Variants in WDFY3 observed in about 807,000 individuals in gnomAD.
WDFY3 encodes the protein WD repeat and FYVE domain-containing protein 3.
A neutral mutation model predicts 409.6 loss-of-function variants in WDFY3; 66 were observed. The ratio of observed to expected loss-of-function variants is 0.16; its 90% CI spans 0.13 to 0.20. The LOEUF (loss-of-function observed/expected upper bound fraction) is 0.20, where lower values mean the gene tolerates loss of function less well. WDFY3 is among the 10% of genes least tolerant of loss of function. WDFY3 has a pLI of 1.00. For synonymous variants in WDFY3, 1,521 were observed against 1,537.1 expected (o/e 0.99, Z 0.25); for missense variants, 3,031 against 4,298.1 (o/e 0.71, Z 8.24).
In WDFY3 at chr4:84,721,469, T is replaced by C. The variant is rs749503655; in HGVS notation, c.7545A>G (p.Ile2515Met). The change falls in exon 47 of 68, where the codon ATA (isoleucine) becomes ATG (methionine). Residue 2515 changes from isoleucine to methionine, a missense_variant. Transcript: ENST00000295888. The part of the protein sequence containing the change: ...LQDQIAEGSS[I>M]EEEEKTDNAT... The stretch of plus-strand genomic sequence containing the variant: ...CATTATCTGTTTTCTCCTCCTCTTC[T>C]ATGGAGCTGCCCTCAGCAATCTGGT... The C allele has an allele frequency of 2.3e-5, 37 of 1,613,448 alleles. No homozygotes were observed. The Middle Eastern group carries it at 6.6e-4, about 29-fold the overall frequency.
chr4:84,908,286 A>C (rs78254834), intron 2 of WDFY3, among the ~76,000 whole-genome samples: 2,156 of 152,276 alleles, frequency 0.014, 29 homozygotes, highest in Non-Finnish European at 0.023. Flanking sequence ...ACAAGAAGTA[A>C]AAAAGCAGTA....
At chr4:84,736,833 GT>G (rs766221913) in intron 41 of WDFY3, among the ~76,000 whole-genome samples, 16 of 152,034 alleles carry the variant, frequency 1.1e-4, no homozygotes, top group Non-Finnish European at 1.8e-4. Context: ...TATAAAGTCA[GT>G]TTTGGCACCA....
At chr4:84,804,197 C>G (rs907417278) in intron 15 of WDFY3, 3 of 152,204 alleles carry the variant, frequency 2.0e-5, no homozygotes, top group Non-Finnish European at 4.4e-5. Flanking sequence ...CTATTTCATA[C>G]TACTCATCTA....
chr4:84,795,418 C>G (rs988625829), intron 19 of WDFY3, among the ~76,000 whole-genome samples: 7 of 152,182 alleles, frequency 4.6e-5, no homozygotes, highest in Admixed American at 6.5e-5. Context: ...ACAGAGGTTT[C>G]AATCAATATA....
At position 84,696,440 on chromosome 4, in the gene WDFY3, T is replaced by C. The variant is rs537317581; in HGVS notation, c.8689-258A>G. Among the ~76,000 whole-genome samples, 86 of 152,294 alleles carry C rather than the reference T, an allele frequency of 5.6e-4. No homozygotes were observed. The South Asian group carries it at 0.017, about 30-fold the overall frequency. On this transcript the variant is annotated intron_variant, in intron 57 of 67. Coordinates refer to ENST00000295888, the MANE Select transcript of WDFY3 (RefSeq NM_014991.6). ...CATAGCTCTTAGTAGGTTGTTATGA[T>C]TGTTCTATTTTATTACTATTCTTAA...
At chr4:84,766,969 G>A (rs957119618) in intron 30 of WDFY3, among the ~76,000 whole-genome samples, 1 of 152,118 alleles carries the variant, frequency 6.6e-6, no homozygotes, top group Non-Finnish European at 1.5e-5. Context: ...AGAGTTCTAG[G>A]CCCAGCTCTC....
At position 84,767,275 on chromosome 4, in the gene WDFY3, TAA is replaced by T. The variant is rs576979598; in HGVS notation, c.4850-905_4850-904del. On this transcript the variant is annotated intron_variant, in intron 30 of 67. Transcript: ENST00000295888. ...TACAAGTGCCACTGTCTTACTCTTA[TAA>T]GACAGTGAACTTAGTCAAAAAATGT... is the stretch of plus-strand genomic sequence containing the variant. 2.6e-4 allele frequency among the ~76,000 whole-genome samples: 37 copies of T among 143,358 alleles called. No homozygotes were observed. In the East Asian group the frequency reaches 7.7e-3, roughly 30 times the overall value. The allele number at this position is 143,358 out of a possible 152,430, so 94.0% of individuals were successfully genotyped here.
At chr4:84,694,501 A>T (rs923924722) in intron 58 of WDFY3, among the ~76,000 whole-genome samples, 4 of 152,270 alleles carry the variant, frequency 2.6e-5, no homozygotes, top group African/African-American at 9.6e-5. Flanking sequence ...TTTTATGTTC[A>T]GAATATGTAT....
chr4:84,681,222 C>A (rs1490278408), intron 64 of WDFY3, among the ~76,000 whole-genome samples: 2 of 152,182 alleles, frequency 1.3e-5, no homozygotes, highest in African/African-American at 2.4e-5. Flanking sequence ...TAAAGACATA[C>A]AAATATCTTT....
chr4:84,901,198 T>A (rs1766291846), intron 2 of WDFY3, among the ~76,000 whole-genome samples: 1 of 152,210 alleles, frequency 6.6e-6, no homozygotes, highest in South Asian at 2.1e-4. Flanking sequence ...AGGCTCTACC[T>A]CTTAATGCCA....
chr4:84,717,508 T>C (rs1421968176), intron 48 of WDFY3, among the ~76,000 whole-genome samples: 1 of 152,178 alleles, frequency 6.6e-6, no homozygotes, highest in African/African-American at 2.4e-5. Flanking sequence ...AGGAATGAAC[T>C]ACAGAAACAA....
At chr4:84,940,781 T>C (rs571150425) in intron 1 of WDFY3, among the ~76,000 whole-genome samples, 5 of 152,112 alleles carry the variant, frequency 3.3e-5, no homozygotes, top group Admixed American at 3.3e-4. Context: ...TTTAACAAAA[T>C]ATAAGGAAAC....
intron 10 of WDFY3, among the ~76,000 whole-genome samples, chr4:84,823,885 A>G (rs1337033578): frequency 6.6e-6 from 1 of 152,160 alleles, no homozygotes; most frequent in Admixed American, 6.5e-5. Context: ...AGTTAAACAT[A>G]CATTTACCAT....
chr4:84,738,989 A>T, intron 40 of WDFY3, 21 bp downstream of exon 40: 1 of 1,611,062 alleles, frequency 6.2e-7, no homozygotes, highest in Non-Finnish European at 8.5e-7. Context: ...ATTTAAAAAC[A>T]TCCCAAGTCA....
intron 3 of WDFY3, among the ~76,000 whole-genome samples, chr4:84,892,268 C>A (rs1765057144): frequency 6.6e-6 from 1 of 151,196 alleles, no homozygotes; most frequent in African/African-American, 2.4e-5. Context: ...CTTTAACTGT[C>A]AGAAATTTAA....
chr4:84,816,158 C>T (rs931692588), intron 13 of WDFY3, among the ~76,000 whole-genome samples: 6 of 151,952 alleles, frequency 3.9e-5, no homozygotes, highest in African/African-American at 7.2e-5. Flanking sequence ...ATCCTTACAA[C>T]GGAAAATTGT....
At position 84,720,012 on chromosome 4, in the gene WDFY3, T is replaced by A. The variant is rs1162117685; in HGVS notation, c.7605+1397A>T. On this transcript the variant is annotated intron_variant, in intron 47 of 67. Coordinates refer to ENST00000295888, the MANE Select transcript of WDFY3 (RefSeq NM_014991.6). ...ATCTAATATAATAGGCAAAAGAACATCCTTTAAAAAGGTGATATTCATGAC... is the reference window on the plus strand; with the variant it reads ...ATCTAATATAATAGGCAAAAGAACAACCTTTAAAAAGGTGATATTCATGAC... Among the ~76,000 whole-genome samples the A allele has an allele frequency of 3.9e-5, 6 of 152,186 alleles. No individual in the cohort carries two copies. In the South Asian group the frequency reaches 8.3e-4, roughly 21 times the overall value.
Position 84,821,271 on chromosome 4 carries a change from G to A in WDFY3, c.1404C>T (p.Ile468=), listed in dbSNP as rs751968259. 1.9e-6 allele frequency: 3 copies of A among 1,613,596 alleles called. No individual in the cohort carries two copies. Among genetic ancestry groups the A allele is most frequent in the African/African-American group, 2.7e-5 (2 of 74,890 alleles). ...IPCKELISVS[I]LLKSSSSYHC... ...GATAAGAAGAGCTAGATTTTAAGAGGATACTGACACTAATAAGTTCTTTAC... is the reference window on the plus strand; with the variant it reads ...GATAAGAAGAGCTAGATTTTAAGAGAATACTGACACTAATAAGTTCTTTAC... Residue 468 remains isoleucine (I), a synonymous_variant, in exon 11 of 68, where the codon ATC becomes ATT. Coordinates refer to ENST00000295888, the MANE Select transcript of WDFY3 (RefSeq NM_014991.6).
chr4:84,835,043 T>C (rs1756375431), intron 7 of WDFY3, among the ~76,000 whole-genome samples: 1 of 152,206 alleles, frequency 6.6e-6, no homozygotes, highest in Non-Finnish European at 1.5e-5. Flanking sequence ...AATATTAGTT[T>C]CCACAACTGT....
Sources: allele counts gnomAD v4.1 joint callset (sites outside exome capture counted in the v4.1 genomes callset), GRCh38; gene constraint gnomAD v4.1.1; transcripts MANE v1.5; gene names NCBI Gene and HGNC (gene_info 2026-07-23, HGNC 2026-07-21).